Variants in SLC35F3 observed in about 807,000 individuals in gnomAD.
SLC35F3 encodes the protein solute carrier family 35 member F3, also known as putative thiamine transporter SLC35F3.
Under a neutral mutation model 49.9 loss-of-function variants are expected in SLC35F3, and 25 were observed. That is an observed-to-expected ratio of 0.50 (90% CI 0.37 to 0.70). The LOEUF (loss-of-function observed/expected upper bound fraction) is 0.70. Ranked by LOEUF, SLC35F3 falls within the 30% of genes least tolerant of loss-of-function variation. SLC35F3 has a pLI of 0.00. For synonymous variants in SLC35F3, 275 were observed against 265.4 expected, an observed-to-expected ratio of 1.04 and a Z score of -0.35; for missense variants, 525 against 639.8, an observed-to-expected ratio of 0.82 and a Z score of 1.94.
chr1:234,150,678 G>A (rs1230170637), intron 2 of SLC35F3, among the ~76,000 whole-genome samples: 2 of 152,168 alleles, frequency 1.3e-5, no homozygotes, highest in African/African-American at 2.4e-5. Flanking sequence ...GGTAGCAGAG[G>A]CAGTGTCGTT....
Position 234,037,892 on chromosome 1 carries a change from C to T in SLC35F3, c.283+132134C>T, listed in dbSNP as rs566117330. Among the ~76,000 whole-genome samples, 10 of 152,294 alleles carry T rather than the reference C, an allele frequency of 6.6e-5. No homozygotes were observed. In the South Asian group the frequency reaches 1.7e-3, roughly 25 times the overall value. ...TGAGGGTAAAGGCACAGAGCCATCT[C>T]GGGTCAGCTCATGCAAAGGTTCCAA... On this transcript the variant is annotated intron_variant, in intron 2 of 7. Transcript: ENST00000366618.
intron 2 of SLC35F3, among the ~76,000 whole-genome samples, chr1:234,128,269 G>A (rs1332758995): frequency 6.6e-6 from 1 of 152,156 alleles, no homozygotes; most frequent in African/African-American, 2.4e-5. Context: ...GCTGTTTGAT[G>A]CATGTGTACA....
At chr1:234,313,171 C>A (rs1657402217) in intron 4 of SLC35F3, among the ~76,000 whole-genome samples, 1 of 152,188 alleles carries the variant, frequency 6.6e-6, no homozygotes, top group Non-Finnish European at 1.5e-5. Context: ...ACCACCGCGC[C>A]AGGCCTTGCC....
At chr1:234,039,546 C>T (rs1664190814) in intron 2 of SLC35F3, among the ~76,000 whole-genome samples, 1 of 152,142 alleles carries the variant, frequency 6.6e-6, no homozygotes, top group Non-Finnish European at 1.5e-5. Flanking sequence ...GAGGGCACGG[C>T]TCCCAGATGA....
At chr1:234,035,047 A>T (rs1301525540) in intron 2 of SLC35F3, among the ~76,000 whole-genome samples, 1 of 152,150 alleles carries the variant, frequency 6.6e-6, no homozygotes, top group East Asian at 1.9e-4. Flanking sequence ...TTTTCCCACT[A>T]TGCCTAATGC....
At chr1:234,279,187 T>C (rs1668264128) in intron 3 of SLC35F3, among the ~76,000 whole-genome samples, 2 of 152,112 alleles carry the variant, frequency 1.3e-5, no homozygotes, top group Admixed American at 6.5e-5. Context: ...TTCCAGGTCA[T>C]AGGCAGATAA....
intron 2 of SLC35F3, among the ~76,000 whole-genome samples, chr1:234,156,155 G>A (rs1666148002): frequency 1.3e-5 from 2 of 151,984 alleles, no homozygotes; most frequent in Admixed American, 1.3e-4. Context: ...CAATGTCATG[G>A]ATAAAAAAAA....
chr1:234,235,959 T>C (rs1406840730), intron 3 of SLC35F3, among the ~76,000 whole-genome samples: 3 of 152,116 alleles, frequency 2.0e-5, no homozygotes, highest in Non-Finnish European at 2.9e-5. Context: ...CGGAGCTTTG[T>C]TCTGAAAATA....
intron 2 of SLC35F3, among the ~76,000 whole-genome samples, chr1:234,035,158 A>C (rs1664122053): frequency 6.6e-6 from 1 of 152,184 alleles, no homozygotes; most frequent in African/African-American, 2.4e-5. Context: ...TATTTGGTAG[A>C]ACACATCATC....
chr1:234,168,816 C>T (rs1390310059), intron 2 of SLC35F3, among the ~76,000 whole-genome samples: 1 of 152,212 alleles, frequency 6.6e-6, no homozygotes, highest in Non-Finnish European at 1.5e-5. Flanking sequence ...TAGGCAGGAG[C>T]AGACACACAG....
chr1:234,038,951 A>G (rs1236371715), intron 2 of SLC35F3, among the ~76,000 whole-genome samples: 1 of 152,212 alleles, frequency 6.6e-6, no homozygotes, highest in Non-Finnish European at 1.5e-5. Context: ...GAGGAAGATT[A>G]AAGAAGGAGC....
intron 2 of SLC35F3, among the ~76,000 whole-genome samples, chr1:233,928,761 C>T (rs1362910338): frequency 6.6e-6 from 1 of 152,040 alleles, no homozygotes; most frequent in Non-Finnish European, 1.5e-5. Context: ...AGGAGAGCTT[C>T]TCTGATATAT....
intron 2 of SLC35F3, among the ~76,000 whole-genome samples, chr1:234,145,015 A>C (rs1665976170): frequency 6.6e-6 from 1 of 152,156 alleles, no homozygotes; most frequent in Non-Finnish European, 1.5e-5. Flanking sequence ...TGTGATATTC[A>C]CTGTGTTCTT....
At chr1:233,919,025 G>T (rs1369580317) in intron 2 of SLC35F3, among the ~76,000 whole-genome samples, 4 of 152,004 alleles carry the variant, frequency 2.6e-5, no homozygotes, top group Non-Finnish European at 5.9e-5. Context: ...TTTAATATTT[G>T]ATGAATCTAT....
chr1:234,167,340 G>A (rs1471485273), intron 2 of SLC35F3, among the ~76,000 whole-genome samples: 1 of 152,160 alleles, frequency 6.6e-6, no homozygotes, highest in Non-Finnish European at 1.5e-5. Context: ...CCAAGGAAAT[G>A]CCTAAGGCCC....
intron 2 of SLC35F3, among the ~76,000 whole-genome samples, chr1:233,931,486 G>T (rs1285416650): frequency 6.6e-6 from 1 of 152,162 alleles, no homozygotes; most frequent in African/African-American, 2.4e-5. Flanking sequence ...GTGGGCAAAG[G>T]TTATGAACCG....
intron 2 of SLC35F3, among the ~76,000 whole-genome samples, chr1:234,041,574 C>T (rs1257067563): frequency 6.6e-6 from 1 of 152,050 alleles, no homozygotes; most frequent in African/African-American, 2.4e-5. Flanking sequence ...CATTCACACT[C>T]ACACACACCT....
At chr1:234,277,677 A>G (rs1668233501) in intron 3 of SLC35F3, among the ~76,000 whole-genome samples, 1 of 152,184 alleles carries the variant, frequency 6.6e-6, no homozygotes, top group African/African-American at 2.4e-5. Flanking sequence ...CTGTCTATCA[A>G]CTTCAGTACA....
At chr1:234,194,013 A>G (rs1213365537) in intron 2 of SLC35F3, among the ~76,000 whole-genome samples, 3 of 152,236 alleles carry the variant, frequency 2.0e-5, no homozygotes, top group African/African-American at 7.2e-5. Flanking sequence ...GTAAACTAGT[A>G]CAACCACTAT....
Sources: gnomAD v4.1 joint callset for allele counts (sites outside exome capture counted in the v4.1 genomes callset) on GRCh38, gnomAD v4.1.1 for gene constraint, MANE v1.5 for transcripts, NCBI Gene and HGNC (gene_info 2026-07-23, HGNC 2026-07-21) for gene names.